Variants in TOX observed in about 807,000 individuals in gnomAD.
TOX encodes the protein thymocyte selection-associated high mobility group box protein TOX.
A neutral mutation model predicts 53.7 loss-of-function variants in TOX; 11 were observed. The observed-to-expected ratio is 0.20, with a 90% confidence interval of 0.13 to 0.34. TOX has a LOEUF of 0.34. Among genes scored for constraint, TOX ranks in the 10% least tolerant of loss-of-function variants. The pLI is 1.00. For missense variants in TOX, 570 were observed against 664.6 expected (o/e 0.86, Z 1.56); for synonymous variants, 225 against 245.3 (o/e 0.92, Z 0.77).
chr8:59,113,631 A>G (rs1805056708), intron 1 of TOX, among the ~76,000 whole-genome samples: 1 of 152,168 alleles, frequency 6.6e-6, no homozygotes, highest in African/African-American at 2.4e-5. Flanking sequence ...AGTGGAGAAG[A>G]GAGTTCAGAT....
At chr8:58,954,592 A>C (rs1271587421) in intron 2 of TOX, among the ~76,000 whole-genome samples, 10 of 152,218 alleles carry the variant, frequency 6.6e-5, no homozygotes, top group Non-Finnish European at 1.5e-4. Flanking sequence ...GCAGCCTTGT[A>C]GACAATGGTG....
intron 1 of TOX, among the ~76,000 whole-genome samples, chr8:59,083,421 T>C (rs1211400039): frequency 1.3e-5 from 2 of 152,192 alleles, no homozygotes; most frequent in African/African-American, 2.4e-5. Context: ...TATTCAAATA[T>C]ATTTGGTTAT....
At chr8:58,852,253 T>C (rs1217283187) in intron 3 of TOX, among the ~76,000 whole-genome samples, 1 of 152,160 alleles carries the variant, frequency 6.6e-6, no homozygotes, top group African/African-American at 2.4e-5. Flanking sequence ...ACCCTGTTTG[T>C]TTTATCTTCA....
Position 58,838,183 on chromosome 8 carries a change from A to G in TOX, c.822T>C (p.Asp274=). The G allele has an allele frequency of 6.2e-7, 1 of 1,614,204 alleles. No individual in the cohort carries two copies. Among genetic ancestry groups the G allele is most frequent in the Non-Finnish European group, 8.5e-7 (1 of 1,180,022 alleles). The change falls in exon 5 of 9, where the codon GAT becomes GAC. Residue 274 remains aspartate, a synonymous_variant. Transcript: ENST00000361421. Reference sequence around the variant, plus strand: ...TTTGGCCCTTGATGGCGGCCTGAGTATCACGAAAGAATAACGCATAGGCAG... The same window carrying G: ...TTTGGCCCTTGATGGCGGCCTGAGTGTCACGAAAGAATAACGCATAGGCAG... ...PVSAYALFFR[D]TQAAIKGQNP...
chr8:59,108,807 A>T (rs1804960619), intron 1 of TOX, among the ~76,000 whole-genome samples: 1 of 152,170 alleles, frequency 6.6e-6, no homozygotes, highest in Admixed American at 6.6e-5. Flanking sequence ...AGCAAGGATT[A>T]CCTTCAATAC....
chr8:58,951,227 C>T (rs1439169158), intron 2 of TOX, among the ~76,000 whole-genome samples: 2 of 152,186 alleles, frequency 1.3e-5, no homozygotes, highest in Non-Finnish European at 2.9e-5. Flanking sequence ...GGTTAAGTCA[C>T]TCTACCTCTC....
intron 3 of TOX, among the ~76,000 whole-genome samples, chr8:58,910,429 TCAAAG>T (rs1563386820): frequency 6.6e-6 from 1 of 152,158 alleles, no homozygotes; most frequent in East Asian, 1.9e-4. Flanking sequence ...GGGCAACCTG[TCAAAG>T]AGTGGGTAGA....
chr8:59,107,050 G>GGGGT (rs1563448637), intron 1 of TOX, among the ~76,000 whole-genome samples: 2 of 132,370 alleles, frequency 1.5e-5, no homozygotes, highest in Non-Finnish European at 3.2e-5. Context: ...GTTTGCTGGG[G>GGGGT]GGGGGGGGAA....
At chr8:58,950,413 C>T (rs183325598) in intron 2 of TOX, among the ~76,000 whole-genome samples, 75 of 152,246 alleles carry the variant, frequency 4.9e-4, no homozygotes, top group South Asian at 1.2e-3. Flanking sequence ...TGGTTTGCCT[C>T]CTCAATCAAG....
chr8:59,039,821 G>A (rs1803543087), intron 1 of TOX, among the ~76,000 whole-genome samples: 1 of 151,930 alleles, frequency 6.6e-6, no homozygotes, highest in South Asian at 2.1e-4. Context: ...TCTGGTTTTG[G>A]ACAGAGGAGA....
At chr8:58,998,279 A>G (rs1005417649) in intron 1 of TOX, among the ~76,000 whole-genome samples, 2 of 150,984 alleles carry the variant, frequency 1.3e-5, no homozygotes, top group Non-Finnish European at 3.0e-5. Flanking sequence ...ACTTGAGCTC[A>G]GGAGTTTGAG....
At chr8:59,097,367 C>T (rs1452905691) in intron 1 of TOX, among the ~76,000 whole-genome samples, 1 of 152,142 alleles carries the variant, frequency 6.6e-6, no homozygotes, top group Admixed American at 6.6e-5. Flanking sequence ...AGGTTTTCAG[C>T]AGCAACAACA....
At chr8:58,957,587 A>T (rs1015657487) in intron 2 of TOX, among the ~76,000 whole-genome samples, 17 of 152,194 alleles carry the variant, frequency 1.1e-4, no homozygotes, top group African/African-American at 4.1e-4. Flanking sequence ...TTTCTATAAA[A>T]ATCATTTCAA....
chr8:59,050,464 GTACT>G (rs1803770386), intron 1 of TOX, among the ~76,000 whole-genome samples: 1 of 151,974 alleles, frequency 6.6e-6, no homozygotes, highest in African/African-American at 2.4e-5. Context: ...CTTTGATCTA[GTACT>G]TAAAGAGCCA....
intron 1 of TOX, among the ~76,000 whole-genome samples, chr8:59,073,542 G>C (rs564586926): frequency 6.6e-6 from 1 of 152,202 alleles, no homozygotes; most frequent in Non-Finnish European, 1.5e-5. Flanking sequence ...AGCACATATA[G>C]TAGGAGACTT....
At chr8:58,853,994 A>T (rs1810868793) in intron 3 of TOX, among the ~76,000 whole-genome samples, 1 of 152,162 alleles carries the variant, frequency 6.6e-6, no homozygotes, top group Non-Finnish European at 1.5e-5. Context: ...GCATGCAGAA[A>T]AGCTCCCATT....
rs186024852 is a variant in TOX at position 59,069,446 on chromosome 8, T to C, written c.102+49440A>G. ...TGAATTATAGATGCCTAAGTGGCAGTTGAATATAGACGTTTTGAAATGAAA... is the reference window on the plus strand; with the variant it reads ...TGAATTATAGATGCCTAAGTGGCAGCTGAATATAGACGTTTTGAAATGAAA... On this transcript the variant is annotated intron_variant, in intron 1 of 8. Coordinates refer to ENST00000361421, the MANE Select transcript of TOX (RefSeq NM_014729.3). Among the ~76,000 whole-genome samples, 27 of 152,292 alleles carry C rather than the reference T, an allele frequency of 1.8e-4. 1 individual carries two copies. The highest frequency in any genetic ancestry group is 6.3e-4 in the African/African-American group (26 of 41,554).
rs1159293358 is a variant in TOX at position 59,117,650 on chromosome 8, T to TA, written c.102+1235dup. 6.6e-6 allele frequency among the ~76,000 whole-genome samples: 1 copy of TA among 152,170 alleles called. No homozygotes were observed. The highest frequency in any genetic ancestry group is 1.5e-5 in the Non-Finnish European group (1 of 68,028). ...GCGCACTAAATATCTCTGTATCAGG[T>TA]AAAAAAGCCGTTTGGTGATGACTCG... On this transcript the variant is annotated intron_variant, in intron 1 of 8. Transcript: ENST00000361421. The surrounding 1 kb of genome is among the most constrained non-coding windows in gnomAD (Gnocchi z 4.6).
chr8:59,036,472 C>A (rs1462941768), intron 1 of TOX, among the ~76,000 whole-genome samples: 1 of 152,100 alleles, frequency 6.6e-6, no homozygotes, highest in Non-Finnish European at 1.5e-5. Context: ...ATTGAAAATT[C>A]TTTTGAATTT....
Sources: gnomAD v4.1 joint callset for allele counts (sites outside exome capture counted in the v4.1 genomes callset) on GRCh38, gnomAD v4.1.1 for gene constraint, Gnocchi (gnomAD v3.1) non-coding constraint, MANE v1.5 for transcripts, NCBI Gene and HGNC (gene_info 2026-07-23, HGNC 2026-07-21) for gene names.